The following TBCD variants were observed in gnomAD, a reference collection of about 807,000 sequenced individuals.
TBCD encodes tubulin folding cofactor D.
In TBCD, 105 loss-of-function variants were observed where a neutral mutation model predicts 169.3. The observed-to-expected ratio is 0.62, with a 90% CI of 0.53 to 0.73. The LOEUF (loss-of-function observed/expected upper bound fraction) is 0.73, where lower values mean the gene tolerates loss of function less well. Ranked by LOEUF, TBCD falls within the 30% of genes least tolerant of loss-of-function variation. TBCD has a pLI of 0.00. For synonymous variants in TBCD, 700 were observed against 643.9 expected (o/e 1.09, Z -1.32); for missense variants, 1,444 against 1,600.1 (o/e 0.90, Z 1.66).
rs1247480999 is a variant in TBCD at position 82,930,765 on chromosome 17, C to T, written c.3113+122C>T. 7.6e-6 allele frequency: 11 copies of T among 1,456,090 alleles called. No individual in the cohort carries two copies. Among genetic ancestry groups the T allele is most frequent in the South Asian group, 3.9e-5 (3 of 77,310 alleles). The allele number at this position is 1,456,090 out of a possible 1,614,324, so 90.2% of individuals were successfully genotyped here. A position where few individuals can be genotyped will look rare whatever the true frequency, so the allele number is the denominator to read the frequency against. ...GGTCTGAAGGGAGAAGCGAGACACA[C>T]GCTGTACCAGTTGGTGGCTCAGCGA... On this transcript the variant is annotated intron_variant, in intron 33 of 38. Transcript: ENST00000355528. This position sits in a 1 kb window ranked among gnomAD's most constrained non-coding sequence, Gnocchi z 5.2.
At chr17:82,896,473 T>TCC (rs2059491594) in intron 17 of TBCD, among the ~76,000 whole-genome samples, 2 of 148,236 alleles carry the variant, frequency 1.3e-5, no homozygotes, top group Admixed American at 1.3e-4. Context: ...TTTTTTTTTT[T>TCC]TTTTCCTTTT....
At chr17:82,817,976 G>A (rs534379234) in intron 13 of TBCD, among the ~76,000 whole-genome samples, 1 of 152,270 alleles carries the variant, frequency 6.6e-6, no homozygotes, top group East Asian at 1.9e-4. Context: ...GTGTAGCTGG[G>A]ATGGAATGAA....
At chr17:82,905,453 G>A (rs1259045870) in intron 19 of TBCD, among the ~76,000 whole-genome samples, 4 of 152,250 alleles carry the variant, frequency 2.6e-5, no homozygotes, top group Non-Finnish European at 5.9e-5. Flanking sequence ...CAGTGTGGGC[G>A]GGTGCGTGTG....
In TBCD at chr17:82,772,386, T is replaced by A. The variant is rs374854805; in HGVS notation, c.583-66T>A. The A allele has an allele frequency of 1.6e-4, 250 of 1,536,254 alleles. 1 individual carries two copies. Among genetic ancestry groups the A allele is most frequent in the Non-Finnish European group, 2.1e-4 (238 of 1,109,408 alleles). On this transcript the variant is annotated intron_variant, in intron 5 of 38. Transcript: ENST00000355528. ...AGCTGGTGAGGGTGGGACTGGTGAC[T>A]GTGTGGTGTCCCCAAGGCTGGCGTG... is the stretch of plus-strand genomic sequence containing the variant.
intron 13 of TBCD, among the ~76,000 whole-genome samples, chr17:82,819,333 C>T (rs911489570): frequency 5.9e-5 from 9 of 152,166 alleles, no homozygotes; most frequent in African/African-American, 1.7e-4. Context: ...AAAAAAGCAT[C>T]GCATTTTCTT....
chr17:82,859,690 C>A, intron 13 of TBCD: 1 of 985,434 alleles, frequency 1.0e-6, no homozygotes, highest in African/African-American at 1.7e-5. Context: ...GGCTGGAGGC[C>A]AGGGCTTGCC....
chr17:82,869,761 C>G (rs536854199), intron 13 of TBCD, among the ~76,000 whole-genome samples: 1 of 151,894 alleles, frequency 6.6e-6, no homozygotes, highest in African/African-American at 2.4e-5. Context: ...TCCCCTGGGA[C>G]GCTCTGCCTT....
intron 13 of TBCD, among the ~76,000 whole-genome samples, chr17:82,854,422 C>T (rs1486315781): frequency 6.6e-6 from 1 of 152,248 alleles, no homozygotes; most frequent in Non-Finnish European, 1.5e-5. Flanking sequence ...GACGCAGGCG[C>T]TGCAGGCTCC....
At position 82,772,472 on chromosome 17, in the gene TBCD, C is replaced by T; in HGVS notation, c.603C>T (p.Asp201=). The change falls in exon 6 of 39, where the codon GAC becomes GAT. Residue 201 remains aspartate, a synonymous_variant. Transcript: ENST00000355528. ...TGCAGTCCTACTTGATTGTCAGTGA[C>T]AAGGCCCGAGATGCAGCTGCTGTCC... is the stretch of plus-strand genomic sequence containing the variant. The part of the protein sequence containing the change: ...QIAESYLIVS[D]KARDAAAVLV... The T allele has an allele frequency of 6.2e-7, 1 of 1,613,956 alleles. No individual in the cohort carries two copies. Among genetic ancestry groups the T allele is most frequent in the Non-Finnish European group, 8.5e-7 (1 of 1,179,890 alleles).
At chr17:82,867,170 C>T (rs774467359) in intron 13 of TBCD, among the ~76,000 whole-genome samples, 2 of 128,752 alleles carry the variant, frequency 1.6e-5, no homozygotes, top group Non-Finnish European at 3.5e-5. Context: ...CCAGCACCTC[C>T]GTGGCCTGGG....
intron 13 of TBCD, among the ~76,000 whole-genome samples, chr17:82,855,993 C>CCTTTTTTTTTTT (rs373747821): frequency 4.5e-5 from 3 of 66,268 alleles, no homozygotes; most frequent in African/African-American, 2.1e-4. Flanking sequence ...TCCCCCCCCA[C>CCTTTTTTTTTTT]TTTTTTTTTT....
rs575747053 is a variant in TBCD at position 82,782,027 on chromosome 17, C to T, written c.771+306C>T. On this transcript the variant is annotated intron_variant, in intron 7 of 38. Coordinates refer to ENST00000355528, the MANE Select transcript of TBCD (RefSeq NM_005993.5). This position sits in a 1 kb window ranked among gnomAD's most constrained non-coding sequence, Gnocchi z 5.1. ...TTCTCTGCATCTGGGCTGCTTAGTT[C>T]CTGTTTAAGTGCAGAGACTGAACGA... Among the ~76,000 whole-genome samples the T allele has an allele frequency of 1.3e-5, 2 of 152,194 alleles. No homozygotes were observed. The highest frequency in any genetic ancestry group is 4.8e-5 in the African/African-American group (2 of 41,448).
intron 11 of TBCD, among the ~76,000 whole-genome samples, chr17:82,808,619 TGG>T (rs573875040): frequency 1.5e-5 from 1 of 68,660 alleles, no homozygotes. Context: ...TGGCAGGTGC[TGG>T]GGGGCAGAGA....
rs2058601115 is a variant in TBCD at position 82,884,611 on chromosome 17, G to T, written c.1533+409G>T. ...TGAGCCTCGGGAGGGGCTGTTGCGA[G>T]CAGTGGTCAGCTCTGCTTCACCCGC... is the stretch of plus-strand genomic sequence containing the variant. On this transcript the variant is annotated intron_variant, in intron 15 of 38. Transcript: ENST00000355528. The surrounding 1 kb of genome is among the most constrained non-coding windows in gnomAD (Gnocchi z 4.2). Among the ~76,000 whole-genome samples the T allele has an allele frequency of 2.6e-5, 4 of 152,198 alleles. No individual in the cohort carries two copies. In the South Asian group the frequency reaches 8.3e-4, roughly 31 times the overall value.
At chr17:82,900,549 TG>T in intron 17 of TBCD, 101 bp from the exon 18 acceptor site, 2 of 898,122 alleles carry the variant, frequency 2.2e-6, no homozygotes, top group Non-Finnish European at 1.8e-6. Context: ...TTTGAAGAAA[TG>T]GGCAAACTGG....
chr17:82,803,168 A>G (rs1568159131), intron 9 of TBCD, among the ~76,000 whole-genome samples: 1 of 151,720 alleles, frequency 6.6e-6, no homozygotes. Context: ...GGTTCATCCC[A>G]CTCCTCCTGC....
At chr17:82,813,480 G>A (rs1247231139) in intron 12 of TBCD, among the ~76,000 whole-genome samples, 2 of 152,080 alleles carry the variant, frequency 1.3e-5, no homozygotes, top group Admixed American at 6.5e-5. Flanking sequence ...CCACTGTGCC[G>A]TGGTGGTGCT....
intron 23 of TBCD, among the ~76,000 whole-genome samples, chr17:82,917,347 C>T (rs1412176518): frequency 2.6e-5 from 4 of 152,078 alleles, no homozygotes; most frequent in Non-Finnish European, 4.4e-5. Context: ...TCAGGTGTGC[C>T]TTATCTGCCG....
intron 27 of TBCD, among the ~76,000 whole-genome samples, chr17:82,925,679 C>T (rs946174773): frequency 3.3e-5 from 5 of 152,194 alleles, no homozygotes; most frequent in East Asian, 3.9e-4. Context: ...GCCTGTGTGG[C>T]GGGTGGGCCT....
Sources: allele counts gnomAD v4.1 joint callset (sites outside exome capture counted in the v4.1 genomes callset), GRCh38; gene constraint gnomAD v4.1.1; non-coding constraint Gnocchi (gnomAD v3.1); transcripts MANE v1.5; gene names NCBI Gene and HGNC (gene_info 2026-07-23, HGNC 2026-07-21).